PLAAT1: variants seen among roughly 807,000 people sequenced by gnomAD.
PLAAT1 encodes H-REV107 protein-related protein.
Under a neutral mutation model 16.4 loss-of-function variants are expected in PLAAT1, and 13 were observed. The ratio of observed to expected loss-of-function variants is 0.79; its 90% CI spans 0.52 to 1.26. PLAAT1 has a LOEUF of 1.26. Among genes scored for constraint, PLAAT1 ranks in the 50% most tolerant of loss-of-function variants. PLAAT1 has a pLI of 0.00. For synonymous variants in PLAAT1, 73 were observed against 78.4 expected (o/e 0.93, Z 0.36); for missense variants, 218 against 207.8 (o/e 1.05, Z -0.30).
At position 193,265,447 on chromosome 3, in the gene PLAAT1, G is replaced by A. The variant is rs1159004388; in HGVS notation, c.405+2212G>A. Among the ~76,000 whole-genome samples the A allele has an allele frequency of 5.3e-5, 8 of 152,244 alleles. No individual in the cohort carries two copies. In the South Asian group the frequency reaches 6.2e-4, roughly 12 times the overall value. ...TGCCTAGAATAGGGAAATCTATAGA[G>A]ACAAAATAAATTAGTGGTTGCCTGG... On this transcript the variant is annotated intron_variant, in intron 3 of 3. Transcript: ENST00000264735.
At chr3:193,273,480 G>A (rs113841189), downstream of PLAAT1, among the ~76,000 whole-genome samples, 982 of 152,238 alleles carry the variant, frequency 6.5e-3, 10 homozygotes, top group African/African-American at 0.022. Flanking sequence ...TTACAGTAGC[G>A]AATTTCATGT....
intron 1 of PLAAT1, among the ~76,000 whole-genome samples, chr3:193,250,262 A>G (rs1053458045): frequency 3.3e-5 from 5 of 152,092 alleles, no homozygotes; most frequent in Admixed American, 6.5e-5. Flanking sequence ...GTCATTGCCT[A>G]TGAGAGGTGG....
At chr3:193,260,005 G>A (rs562337232) in intron 2 of PLAAT1, among the ~76,000 whole-genome samples, 7 of 152,194 alleles carry the variant, frequency 4.6e-5, no homozygotes, top group Non-Finnish European at 8.8e-5. Context: ...TACAAAAACA[G>A]ACACACAGAC....
intron 1 of PLAAT1, among the ~76,000 whole-genome samples, chr3:193,250,627 C>G (rs2108783619): frequency 6.6e-6 from 1 of 152,236 alleles, no homozygotes; most frequent in East Asian, 1.9e-4. Flanking sequence ...TGGAGAAAGT[C>G]TGCAGATCTG....
downstream of PLAAT1, among the ~76,000 whole-genome samples, chr3:193,278,107 G>T (rs1717310654): frequency 6.6e-6 from 1 of 152,078 alleles, no homozygotes; most frequent in Admixed American, 6.6e-5. Flanking sequence ...CCTGACCCTG[G>T]AATTATTTAT....
At chr3:193,241,155 G>C (rs1226483054), upstream of PLAAT1, 38 of 1,174,570 alleles carry the variant, frequency 3.2e-5, no homozygotes, top group Non-Finnish European at 3.6e-5. Context: ...GCTGGGCTCG[G>C]GGCCAAGCGA....
intron 3 of PLAAT1, among the ~76,000 whole-genome samples, chr3:193,269,878 C>T (rs1716923710): frequency 6.6e-6 from 1 of 152,024 alleles, no homozygotes; most frequent in South Asian, 2.1e-4. Flanking sequence ...TGTCTGAATT[C>T]CTTTATGGAC....
intron 1 of PLAAT1, among the ~76,000 whole-genome samples, chr3:193,248,815 A>G (rs1716076814): frequency 6.6e-6 from 1 of 152,116 alleles, no homozygotes; most frequent in Non-Finnish European, 1.5e-5. Context: ...TTTAACCTTT[A>G]TATTAGAGAT....
chr3:193,280,647 T>A (rs971354118), downstream of PLAAT1, among the ~76,000 whole-genome samples: 5 of 152,188 alleles, frequency 3.3e-5, no homozygotes, highest in Admixed American at 3.3e-4. Flanking sequence ...AGCATCTCTG[T>A]TCTTATTTCC....
chr3:193,277,292 G>C (rs1717263921), intron 2 of PLAAT1, among the ~76,000 whole-genome samples: 1 of 152,220 alleles, frequency 6.6e-6, no homozygotes, highest in Non-Finnish European at 1.5e-5. Context: ...GATGCAGATT[G>C]CTTCTGGCCC....
chr3:193,253,437 A>G (rs137974707), intron 1 of PLAAT1, among the ~76,000 whole-genome samples: 46 of 152,252 alleles, frequency 3.0e-4, no homozygotes, highest in African/African-American at 1.0e-3. Flanking sequence ...CCATGTACCA[A>G]TCTCAATGTC....
intron 3 of PLAAT1, among the ~76,000 whole-genome samples, chr3:193,265,023 T>G (rs1356071533): frequency 2.0e-5 from 3 of 152,136 alleles, no homozygotes; most frequent in Non-Finnish European, 4.4e-5. Flanking sequence ...GGCAAGGAAG[T>G]GAAGAAATTG....
At chr3:193,281,199 A>G, downstream of PLAAT1, 2 of 985,386 alleles carry the variant, frequency 2.0e-6, no homozygotes, top group Non-Finnish European at 2.4e-6. Flanking sequence ...ATGGATTTGG[A>G]GTCCCAGGAA....
chr3:193,271,002 C>A, downstream of PLAAT1: 1 of 391,986 alleles, frequency 2.6e-6, no homozygotes, highest in Non-Finnish European at 3.6e-6. Flanking sequence ...TATTATTTTC[C>A]TTTTCCCCAA....
At chr3:193,279,452 T>C (rs754546222), downstream of PLAAT1, 8 of 1,611,644 alleles carry the variant, frequency 5.0e-6, no homozygotes, top group East Asian at 8.9e-5. Context: ...AATGAAAATA[T>C]ATCTGAGGAA....
chr3:193,260,580 A>G (rs538407787), intron 2 of PLAAT1, among the ~76,000 whole-genome samples: 51 of 152,344 alleles, frequency 3.3e-4, no homozygotes, highest in African/African-American at 1.2e-3. Context: ...CAGGCAACCA[A>G]CAAACCTATG....
chr3:193,272,408 C>T (rs1457218925), downstream of PLAAT1, among the ~76,000 whole-genome samples: 1 of 152,196 alleles, frequency 6.6e-6, no homozygotes, highest in African/African-American at 2.4e-5. Context: ...CTCCACTGCA[C>T]TCCAGCCTGG....
intron 2 of PLAAT1, among the ~76,000 whole-genome samples, chr3:193,276,305 T>A (rs1181626222): frequency 6.6e-6 from 1 of 152,190 alleles, no homozygotes; most frequent in Admixed American, 6.5e-5. Context: ...AGAAACACCG[T>A]AAGAGGAAGA....
Position 193,270,744 on chromosome 3 carries a change from G to A in PLAAT1, c.*39G>A. ...AGATATTGATATTGAAGGAATTTGG[G>A]AGGAGGAAAAGAAACCTGGGGTGAA... is the stretch of plus-strand genomic sequence containing the variant. On this transcript the variant is annotated 3_prime_UTR_variant, in exon 4 of 4. Transcript: ENST00000264735. 3 of 1,600,216 alleles carry A rather than the reference G, an allele frequency of 1.9e-6. No individual in the cohort carries two copies. The highest frequency in any genetic ancestry group is 2.6e-6 in the Non-Finnish European group (3 of 1,172,446).
Sources: allele counts gnomAD v4.1 joint callset (sites outside exome capture counted in the v4.1 genomes callset), GRCh38; gene constraint gnomAD v4.1.1; transcripts MANE v1.5; gene names NCBI Gene and HGNC (gene_info 2026-07-23, HGNC 2026-07-21).